The following TSPAN5 variants were observed in gnomAD, a reference collection of about 807,000 sequenced individuals.
The protein encoded by TSPAN5 is tetraspanin-5.
In TSPAN5, 10 loss-of-function variants were observed where a neutral mutation model predicts 37.1. The observed-to-expected ratio is 0.27, with a 90% CI of 0.17 to 0.46. TSPAN5 has a LOEUF of 0.46. Ranked by LOEUF, TSPAN5 falls within the 20% of genes least tolerant of loss-of-function variation. TSPAN5 has a pLI of 1.00. For missense variants in TSPAN5, 195 were observed against 326.6 expected, an observed-to-expected ratio of 0.60 and a Z score of 3.11; for synonymous variants, 110 against 118.9, an observed-to-expected ratio of 0.93 and a Z score of 0.48.
rs1752688252 is a variant in TSPAN5, at chr4:98,476,060, T to C, written c.741+129A>G. 5 of 636,378 alleles carry C rather than the reference T, an allele frequency of 7.9e-6. No individual in the cohort carries two copies. The Admixed American group carries it at 1.4e-4, about 18-fold the overall frequency. The allele number at this position is 636,378 out of a possible 1,614,324, so 39.4% of individuals were successfully genotyped here. A position where few individuals can be genotyped will look rare whatever the true frequency, so the allele number is the denominator to read the frequency against. ...AAACACAAACCAAATCGTTTAGGTC[T>C]GTTCCTCAGCCCTCCAATGTGTCTT... On this transcript the variant is annotated intron_variant, in intron 7 of 7. Coordinates refer to ENST00000305798, the MANE Select transcript of TSPAN5 (RefSeq NM_005723.4).
chr4:98,556,424 G>A (rs1422309660), intron 1 of TSPAN5, among the ~76,000 whole-genome samples: 1 of 152,094 alleles, frequency 6.6e-6, no homozygotes, highest in African/African-American at 2.4e-5. Flanking sequence ...TATGAACGAG[G>A]AATAATTTTT....
At chr4:98,577,205 T>G (rs1305266103) in intron 1 of TSPAN5, among the ~76,000 whole-genome samples, 3 of 141,964 alleles carry the variant, frequency 2.1e-5, no homozygotes, top group African/African-American at 2.4e-5. Context: ...ATATTTCTGT[T>G]AACAGAGAAG....
chr4:98,562,806 C>T (rs1318021200), intron 1 of TSPAN5, among the ~76,000 whole-genome samples: 3 of 152,086 alleles, frequency 2.0e-5, no homozygotes, highest in Admixed American at 2.0e-4. Flanking sequence ...GAGACTAAGA[C>T]GACTCCTAAA....
At chr4:98,512,050 T>G (rs1365937718) in intron 1 of TSPAN5, among the ~76,000 whole-genome samples, 2 of 151,986 alleles carry the variant, frequency 1.3e-5, no homozygotes, top group African/African-American at 2.4e-5. Flanking sequence ...CCGTCTCTAC[T>G]AAAAATACAA....
chr4:98,531,960 C>T (rs1216099023), intron 1 of TSPAN5, among the ~76,000 whole-genome samples: 4 of 151,996 alleles, frequency 2.6e-5, no homozygotes, highest in East Asian at 1.9e-4. Context: ...GGATGTTAGC[C>T]CTTTGTCAGA....
At position 98,542,581 on chromosome 4, in the gene TSPAN5, C is replaced by A. The variant is rs538975586; in HGVS notation, c.82-34853G>T. Among the ~76,000 whole-genome samples, 210 of 152,184 alleles carry A rather than the reference C, an allele frequency of 1.4e-3. 1 individual carries two copies. The highest frequency in any genetic ancestry group is 4.8e-3 in the African/African-American group (199 of 41,512). ...AAAAGACTTAAAAATTCGCCAGGCA[C>A]AGTGGTACATGCCTATAGTCCTAGC... On this transcript the variant is annotated intron_variant, in intron 1 of 7. Coordinates refer to ENST00000305798, the MANE Select transcript of TSPAN5 (RefSeq NM_005723.4).
intron 1 of TSPAN5, among the ~76,000 whole-genome samples, chr4:98,651,807 AGAG>A (rs1032281408): frequency 1.3e-5 from 2 of 151,056 alleles, no homozygotes. Context: ...CTAGGAAGTT[AGAG>A]GAGATGATTC....
intron 1 of TSPAN5, among the ~76,000 whole-genome samples, chr4:98,510,743 C>T (rs1456373548): frequency 6.6e-6 from 1 of 152,296 alleles, no homozygotes; most frequent in African/African-American, 2.4e-5. Context: ...GGTTTAAGAA[C>T]TGGGAAAGAA....
chr4:98,555,986 C>T (rs1289386230), intron 1 of TSPAN5, among the ~76,000 whole-genome samples: 3 of 123,380 alleles, frequency 2.4e-5, no homozygotes, highest in Admixed American at 1.5e-4. Flanking sequence ...CGCACACACA[C>T]GTGCGTGCGC....
chr4:98,515,505 A>T (rs1009407425), intron 1 of TSPAN5, among the ~76,000 whole-genome samples: 2 of 147,758 alleles, frequency 1.4e-5, no homozygotes, highest in African/African-American at 5.0e-5. Flanking sequence ...GTTCACAGTG[A>T]TCAGAGGCTC....
chr4:98,627,329 A>G (rs1226540884), intron 1 of TSPAN5, among the ~76,000 whole-genome samples: 1 of 152,128 alleles, frequency 6.6e-6, no homozygotes, highest in Non-Finnish European at 1.5e-5. Flanking sequence ...AGAAAACTGA[A>G]GGGATTTTAT....
chr4:98,486,926 G>A, intron 2 of TSPAN5, 42 bp from the exon 3 acceptor site: 1 of 1,600,422 alleles, frequency 6.2e-7, no homozygotes, highest in Non-Finnish European at 8.5e-7. Context: ...CGGGGATGTG[G>A]GGTCAGTTTT....
intron 1 of TSPAN5, among the ~76,000 whole-genome samples, chr4:98,646,327 G>GA (rs1428571900): frequency 2.0e-5 from 3 of 151,924 alleles, no homozygotes; most frequent in Non-Finnish European, 4.4e-5. Flanking sequence ...TGAAATAGAG[G>GA]AAAAAAATGA....
chr4:98,540,485 G>A (rs1226577554), intron 1 of TSPAN5, among the ~76,000 whole-genome samples: 2 of 152,052 alleles, frequency 1.3e-5, no homozygotes, highest in Admixed American at 6.5e-5. Flanking sequence ...TTACAGGCAC[G>A]TGCCACCATG....
intron 1 of TSPAN5, among the ~76,000 whole-genome samples, chr4:98,635,875 T>C (rs1053079765): frequency 6.6e-6 from 1 of 152,172 alleles, no homozygotes; most frequent in Admixed American, 6.5e-5. Flanking sequence ...CTATAAGGAA[T>C]ATATAAAGAC....
chr4:98,486,916 C>T (rs752119019), intron 2 of TSPAN5, 32 bp from the exon 3 acceptor site: 9 of 1,606,388 alleles, frequency 5.6e-6, no homozygotes, highest in East Asian at 2.2e-5. Context: ...CAACAAGGCA[C>T]GGGGATGTGG....
At chr4:98,567,241 G>A (rs528454726) in intron 1 of TSPAN5, among the ~76,000 whole-genome samples, 57 of 152,314 alleles carry the variant, frequency 3.7e-4, no homozygotes, top group South Asian at 3.1e-3. Flanking sequence ...ATCTAGGCCC[G>A]ATGGTTCCTT....
Position 98,472,480 on chromosome 4 carries a change from G to A in TSPAN5, c.*42C>T, listed in dbSNP as rs770713139. On this transcript the variant is annotated 3_prime_UTR_variant, in exon 8 of 8. Coordinates refer to ENST00000305798, the MANE Select transcript of TSPAN5 (RefSeq NM_005723.4). ...TTCGGCACGCGGGAGGGTCCCGAAA[G>A]CTGGGTCTGTCCAGTGTCTTGCAGC... 9.4e-6 allele frequency: 15 copies of A among 1,598,360 alleles called. No homozygotes were observed. Among genetic ancestry groups the A allele is most frequent in the East Asian group, 2.2e-5 (1 of 44,638 alleles).
intron 1 of TSPAN5, among the ~76,000 whole-genome samples, chr4:98,588,367 A>G (rs892910906): frequency 6.6e-6 from 1 of 152,094 alleles, no homozygotes; most frequent in Admixed American, 6.5e-5. Flanking sequence ...TAAAGAAAGG[A>G]CAGTGCTGGG....
Sources: allele counts gnomAD v4.1 joint callset (sites outside exome capture counted in the v4.1 genomes callset), GRCh38; gene constraint gnomAD v4.1.1; transcripts MANE v1.5; gene names NCBI Gene and HGNC (gene_info 2026-07-23, HGNC 2026-07-21).